The following PTK7 variants were observed in gnomAD, a reference collection of about 807,000 sequenced individuals.
PTK7 encodes protein tyrosine kinase 7 (inactive).
Under a neutral mutation model 116.6 loss-of-function variants are expected in PTK7, and 39 were observed. The ratio of observed to expected loss-of-function variants is 0.33; its 90% confidence interval spans 0.26 to 0.44. The LOEUF is 0.44. PTK7 is among the 20% of genes least tolerant of loss of function. PTK7 has a pLI of 1.00. For missense variants in PTK7, 1,169 were observed against 1,425.6 expected (o/e 0.82, Z 2.90); for synonymous variants, 546 against 563.6 (o/e 0.97, Z 0.44).
At chr6:43,085,720 G>A (rs1015054103) in intron 1 of PTK7, among the ~76,000 whole-genome samples, 2 of 151,696 alleles carry the variant, frequency 1.3e-5, no homozygotes, top group Admixed American at 1.3e-4. Context: ...GATCACCTGA[G>A]GTCGGGAGTT....
chr6:43,118,659 C>CTCTATA (rs1212636673), intron 1 of PTK7, among the ~76,000 whole-genome samples: 7 of 53,014 alleles, frequency 1.3e-4, no homozygotes, highest in East Asian at 4.7e-4. Context: ...CTCTCTCTCT[C>CTCTATA]TATATATATA....
chr6:43,091,439 T>C (rs1447023463), intron 1 of PTK7, among the ~76,000 whole-genome samples: 10 of 152,186 alleles, frequency 6.6e-5, no homozygotes, highest in African/African-American at 1.9e-4. Flanking sequence ...AGTGTTGGGA[T>C]TACAGGCGTG....
At chr6:43,138,757 G>A in intron 7 of PTK7, 92 bp from the exon 8 acceptor site, 3 of 1,488,880 alleles carry the variant, frequency 2.0e-6, no homozygotes, top group South Asian at 2.7e-5. Flanking sequence ...TGAACTCAGG[G>A]CCTAGAATGG....
chr6:43,161,646 TTG>T lies in PTK7; in HGVS notation c.*767_*768del, dbSNP rs1771851418. 6.6e-6 allele frequency: 1 copy of T among 152,122 alleles called. No homozygotes were observed. Among genetic ancestry groups the T allele is most frequent in the South Asian group, 2.1e-4 (1 of 4,820 alleles). 9.4% of individuals were successfully genotyped at this position (152,122 alleles called of 1,614,324 possible). A position where few individuals can be genotyped will look rare whatever the true frequency, so the allele number is the denominator to read the frequency against. On this transcript the variant is annotated 3_prime_UTR_variant, in exon 20 of 20. Transcript: ENST00000230419. Reference sequence around the variant, plus strand: ...CACTTTTATTGTTGTCGTTTTTTGTTTGTTTTGTTTTTTTGTTTTTGTTTTTG... The same window carrying T: ...CACTTTTATTGTTGTCGTTTTTTGTTTTTTGTTTTTTTGTTTTTGTTTTTG...
At position 43,157,371 on chromosome 6, in the gene PTK7, T is replaced by TAAA. The variant is rs1561990682; in HGVS notation, c.2722-1446_2722-1445insAAA. ...ATATATATATATATATATATTTTTTTTTTTCTTTTTTTTTTTTTTTTTTTA... is the reference window on the plus strand; with the variant it reads ...ATATATATATATATATATATTTTTTTAAATTTTCTTTTTTTTTTTTTTTTTTTA... On this transcript the variant is annotated intron_variant, in intron 17 of 19. Transcript: ENST00000230419. Among the ~76,000 whole-genome samples the TAAA allele has an allele frequency of 8.0e-4, 69 of 85,750 alleles. 5 individuals carry two copies. Among genetic ancestry groups the TAAA allele is most frequent in the African/African-American group, 3.6e-3 (66 of 18,340 alleles). The allele number at this position is 85,750 out of a possible 152,430, so 56.3% of individuals were successfully genotyped here. A position where few individuals can be genotyped will look rare whatever the true frequency, so the allele number is the denominator to read the frequency against.
intron 1 of PTK7, among the ~76,000 whole-genome samples, chr6:43,104,885 T>C (rs1482552858): frequency 6.9e-6 from 1 of 144,998 alleles, no homozygotes; most frequent in Non-Finnish European, 1.5e-5. Context: ...TGATCTCCGC[T>C]CACTCCAATC....
intron 1 of PTK7, among the ~76,000 whole-genome samples, chr6:43,083,073 T>C (rs1766464177): frequency 6.6e-6 from 1 of 152,204 alleles, no homozygotes; most frequent in African/African-American, 2.4e-5. Flanking sequence ...GGTTGGCCGG[T>C]TCAGACTCTA....
intron 17 of PTK7, among the ~76,000 whole-genome samples, chr6:43,157,077 T>C (rs904942830): frequency 3.3e-5 from 5 of 150,580 alleles, no homozygotes; most frequent in Non-Finnish European, 7.4e-5. Flanking sequence ...AAAGAAATTA[T>C]CACAAAAGTC....
chr6:43,144,475 C>G lies in PTK7; in HGVS notation c.2276C>G (p.Pro759Arg), dbSNP rs1236756750. ...GGTGGGCCTTTGCAGAACGGGCAGC[C>G]CTCAGCAGAGATCCAAGAAGAAGTG... ...LNGGPLQNGQ[P>R]SAEIQEEVAL... The change falls in exon 15 of 20, where the codon CCC becomes CGC. Residue 759 changes from proline to arginine, a missense_variant. Around this residue, in one of 3 missense-constraint regions of PTK7, gnomAD observed 678 missense variants for 853.8 expected, o/e 0.79. Coordinates refer to ENST00000230419, the MANE Select transcript of PTK7 (RefSeq NM_002821.5). 5.0e-6 allele frequency: 8 copies of G among 1,614,034 alleles called. No individual in the cohort carries two copies. Among genetic ancestry groups the G allele is most frequent in the Non-Finnish European group, 5.9e-6 (7 of 1,180,012 alleles).
chr6:43,146,515 A>T, intron 16 of PTK7, 103 bp from the exon 17 acceptor site: 2 of 1,103,384 alleles, frequency 1.8e-6, no homozygotes, highest in Non-Finnish European at 2.7e-6. Flanking sequence ...AGGCCTTCTC[A>T]CTGCCTCCCC....
At chr6:43,132,392 G>A (rs1769739906) in intron 6 of PTK7, 29 bp from the exon 7 acceptor site, 5 of 1,542,276 alleles carry the variant, frequency 3.2e-6, no homozygotes, top group Non-Finnish European at 3.5e-6. Context: ...ACAATAATTG[G>A]GCCATTCCTC....
chr6:43,142,776 A>C (rs553318672), intron 13 of PTK7: 48 of 191,478 alleles, frequency 2.5e-4, no homozygotes, highest in Middle Eastern at 2.4e-3. Context: ...TTAAATGAGA[A>C]GCTCTTAAAC....
At chr6:43,105,683 T>C (rs1286612184) in intron 1 of PTK7, among the ~76,000 whole-genome samples, 1 of 151,460 alleles carries the variant, frequency 6.6e-6, no homozygotes, top group Non-Finnish European at 1.5e-5. Context: ...GAGACAGAAG[T>C]ACACCACAGG....
At chr6:43,107,451 G>A (rs1455837892) in intron 1 of PTK7, among the ~76,000 whole-genome samples, 1 of 152,120 alleles carries the variant, frequency 6.6e-6, no homozygotes, top group East Asian at 1.9e-4. Flanking sequence ...TGCATAATGG[G>A]GATCATAGTA....
At chr6:43,152,461 G>A (rs1400020904) in intron 17 of PTK7, among the ~76,000 whole-genome samples, 4 of 152,334 alleles carry the variant, frequency 2.6e-5, no homozygotes, top group African/African-American at 9.6e-5. Flanking sequence ...CTTGGGAGGC[G>A]GAGGTTGCGG....
At chr6:43,142,505 GT>G in intron 13 of PTK7, 1 of 724,342 alleles carries the variant, frequency 1.4e-6, no homozygotes, top group Non-Finnish European at 2.4e-6. Context: ...AACGGTCGGT[GT>G]GTGTGTGTGT....
intron 1 of PTK7, among the ~76,000 whole-genome samples, chr6:43,084,655 G>A (rs1032521075): frequency 1.3e-5 from 2 of 152,224 alleles, no homozygotes; most frequent in Non-Finnish European, 2.9e-5. Context: ...GGCATGGAAT[G>A]CAGGAAGAAG....
chr6:43,156,616 A>G (rs1259290909), intron 17 of PTK7, among the ~76,000 whole-genome samples: 2 of 151,994 alleles, frequency 1.3e-5, no homozygotes, highest in African/African-American at 4.8e-5. Context: ...CTCAAAAAAT[A>G]AAGGCCGGGC....
chr6:43,104,436 A>T (rs529898140), intron 1 of PTK7, among the ~76,000 whole-genome samples: 1 of 152,190 alleles, frequency 6.6e-6, no homozygotes, highest in Non-Finnish European at 1.5e-5. Context: ...TATGAGATGG[A>T]TTCTTGCTCT....
Sources: gnomAD v4.1 joint callset for allele counts (sites outside exome capture counted in the v4.1 genomes callset) on GRCh38, gnomAD v4.1.1 for gene constraint, gnomAD v4.1.1 regional missense constraint, MANE v1.5 for transcripts, NCBI Gene and HGNC (gene_info 2026-07-23, HGNC 2026-07-21) for gene names.